Variants in INO80 observed in about 807,000 individuals in gnomAD.
INO80 encodes the protein chromatin-remodeling ATPase INO80.
INO80 carries 20 observed loss-of-function variants against 203.4 expected under a neutral mutation model. The observed-to-expected ratio is 0.10, with a 90% CI of 0.07 to 0.14. The LOEUF (loss-of-function observed/expected upper bound fraction) is 0.14. INO80 is among the 10% of genes least tolerant of loss of function. INO80 has a pLI of 1.00. For synonymous variants in INO80, 726 were observed against 685.2 expected (o/e 1.06, Z -0.93); for missense variants, 1,419 against 1,914.4 (o/e 0.74, Z 4.83).
chr15:40,988,363 T>C (rs567790768), intron 29 of INO80, among the ~76,000 whole-genome samples: 2 of 152,368 alleles, frequency 1.3e-5, no homozygotes, highest in Non-Finnish European at 2.9e-5. Context: ...ATCGTCATTA[T>C]TTAAATGCTG....
chr15:41,003,041 A>G (rs2043982372), intron 28 of INO80, among the ~76,000 whole-genome samples: 1 of 151,900 alleles, frequency 6.6e-6, no homozygotes, highest in South Asian at 2.1e-4. Flanking sequence ...AATCGCTTGA[A>G]CCCAGGAGGT....
intron 27 of INO80, among the ~76,000 whole-genome samples, chr15:41,009,826 C>T (rs1386326860): frequency 6.6e-6 from 1 of 152,034 alleles, no homozygotes; most frequent in Non-Finnish European, 1.5e-5. Flanking sequence ...TCTTGAACTC[C>T]TGGGCTCAAG....
At chr15:41,086,306 AAAGAT>A (rs2045563554) in intron 6 of INO80, among the ~76,000 whole-genome samples, 2 of 152,122 alleles carry the variant, frequency 1.3e-5, no homozygotes, top group South Asian at 4.1e-4. Context: ...AAACACTAAT[AAAGAT>A]AATAGAGAAA....
intron 27 of INO80, 28 bp downstream of exon 27, chr15:41,016,060 C>T: frequency 1.3e-6 from 2 of 1,595,852 alleles, no homozygotes; most frequent in Non-Finnish European, 1.7e-6. Flanking sequence ...GTCAAGGTAT[C>T]CTAGGTCCCC....
rs776803365 is a variant in INO80, at chr15:40,987,076, G to A, written c.3832+15C>T. ...AGATACGTGAGGGGAGTGTATAGAG[G>A]TTTAGAGTACATACGTTTCTTCTCC... On this transcript the variant is annotated intron_variant, in intron 31 of 35. Coordinates refer to ENST00000648947, the MANE Select transcript of INO80 (RefSeq NM_017553.3). 4.0e-6 allele frequency: 6 copies of A among 1,487,124 alleles called. No homozygotes were observed. In the East Asian group the frequency reaches 9.0e-5, roughly 22 times the overall value. The allele number at this position is 1,487,124 out of a possible 1,614,324, so 92.1% of individuals were successfully genotyped here.
At chr15:41,103,573 T>C (rs756114952) in intron 1 of INO80, among the ~76,000 whole-genome samples, 1 of 152,068 alleles carries the variant, frequency 6.6e-6, no homozygotes, top group Non-Finnish European at 1.5e-5. Context: ...CTATTTTCAG[T>C]AGAGACGGGA....
At chr15:41,060,067 G>A in intron 14 of INO80, 141 bp from the exon 15 acceptor site, 3 of 597,850 alleles carry the variant, frequency 5.0e-6, no homozygotes, top group Admixed American at 3.3e-5. Flanking sequence ...TGGAATAAAT[G>A]GTTTAACCAA....
At chr15:41,037,326 G>A (rs1390010772) in intron 24 of INO80, among the ~76,000 whole-genome samples, 1 of 151,660 alleles carries the variant, frequency 6.6e-6, no homozygotes, top group African/African-American at 2.4e-5. Context: ...TGGCTAACAT[G>A]GTGAAACCCC....
intron 29 of INO80, among the ~76,000 whole-genome samples, chr15:40,997,196 G>A (rs1007351951): frequency 1.3e-5 from 2 of 152,068 alleles, no homozygotes; most frequent in Admixed American, 1.3e-4. Context: ...AGGATCACCT[G>A]AGGCTGGGGA....
At chr15:41,020,289 G>C (rs1408695638) in intron 26 of INO80, among the ~76,000 whole-genome samples, 1 of 152,156 alleles carries the variant, frequency 6.6e-6, no homozygotes, top group Admixed American at 6.5e-5. Context: ...ATAGCTCCAA[G>C]CTACCATTCC....
Position 41,021,019 on chromosome 15 carries a change from T to C in INO80, c.3155A>G (p.Asn1052Ser), listed in dbSNP as rs1566913890. The C allele has an allele frequency of 6.2e-7, 1 of 1,614,026 alleles. No homozygotes were observed. Among genetic ancestry groups the C allele is most frequent in the Non-Finnish European group, 8.5e-7 (1 of 1,179,912 alleles). ...GSLAAKQCLL[N>S]GAPELAADWL... ...GTCTGCAGCCAGTTCAGGGGCCCCA[T>C]TCAACAAACACTGCTTGGCTGCCAG... The change falls in exon 26 of 36, where the codon AAT becomes AGT. Residue 1052 changes from asparagine (N) to serine (S), a missense_variant. By Grantham distance (46) the Asn-to-Ser change is conservative. Coordinates refer to ENST00000648947, the MANE Select transcript of INO80 (RefSeq NM_017553.3).
At chr15:41,034,267 A>T (rs1042113057) in intron 24 of INO80, among the ~76,000 whole-genome samples, 3 of 152,196 alleles carry the variant, frequency 2.0e-5, no homozygotes, top group African/African-American at 7.2e-5. Context: ...AGGGTTTTAT[A>T]GGCACATTAT....
intron 14 of INO80, among the ~76,000 whole-genome samples, chr15:41,061,150 T>C (rs1302929399): frequency 3.3e-5 from 5 of 151,530 alleles, no homozygotes; most frequent in African/African-American, 9.7e-5. Flanking sequence ...CTACAAAAAA[T>C]ACAAAAGTTA....
At chr15:41,015,907 T>G (rs1306483890) in intron 27 of INO80, among the ~76,000 whole-genome samples, 181 bp downstream of exon 27, 1 of 145,024 alleles carries the variant, frequency 6.9e-6, no homozygotes, top group Non-Finnish European at 1.5e-5. Flanking sequence ...ATCGCATCAC[T>G]GCACTCCAGC....
chr15:40,991,762 A>G (rs981857919), intron 29 of INO80, among the ~76,000 whole-genome samples: 1 of 151,840 alleles, frequency 6.6e-6, no homozygotes, highest in African/African-American at 2.4e-5. Context: ...ATGAGATTTA[A>G]AACAGGAAAA....
chr15:41,057,797 C>CAAAAAAAAAA (rs35197370), intron 16 of INO80, among the ~76,000 whole-genome samples: 1 of 29,326 alleles, frequency 3.4e-5, no homozygotes, highest in Non-Finnish European at 7.2e-5. Context: ...AACTACATCT[C>CAAAAAAAAAA]AAAAAAAAAA....
At chr15:41,099,270 A>AAAAAAAAC (rs2045771876) in intron 1 of INO80, among the ~76,000 whole-genome samples, 1 of 124,482 alleles carries the variant, frequency 8.0e-6, no homozygotes, top group African/African-American at 3.0e-5. Flanking sequence ...AAAAAAAACA[A>AAAAAAAAC]ACACACACAC....
chr15:41,106,882 C>T (rs2045887814), intron 1 of INO80, among the ~76,000 whole-genome samples: 1 of 152,216 alleles, frequency 6.6e-6, no homozygotes, highest in Non-Finnish European at 1.5e-5. Flanking sequence ...AGTGAAAAGC[C>T]TGCCTCCTGC....
At position 41,069,590 on chromosome 15, in the gene INO80, T is replaced by G; in HGVS notation, c.1762A>C (p.Arg588=). 2 of 1,600,962 alleles carry G rather than the reference T, an allele frequency of 1.2e-6. No individual in the cohort carries two copies. Among genetic ancestry groups the G allele is most frequent in the Non-Finnish European group, 1.7e-6 (2 of 1,170,054 alleles). ...TLNNWHQEFT[R]FVPKFKVLPY... is the part of the protein sequence containing the mutation. ...TTTACCTTAAATTTAGGAACAAATCTAGTAAACTCCTGGTGCCAATTGTTA... is the reference window on the plus strand; with the variant it reads ...TTTACCTTAAATTTAGGAACAAATCGAGTAAACTCCTGGTGCCAATTGTTA... Residue 588 remains arginine, a synonymous_variant, in exon 14 of 36, where the codon AGA becomes CGA. Transcript: ENST00000648947.
Sources: gnomAD v4.1 joint callset for allele counts (sites outside exome capture counted in the v4.1 genomes callset) on GRCh38, gnomAD v4.1.1 for gene constraint, MANE v1.5 for transcripts, NCBI Gene and HGNC (gene_info 2026-07-23, HGNC 2026-07-21) for gene names.